The following PRKN variants were observed in gnomAD, a reference collection of about 807,000 sequenced individuals.
PRKN encodes E3 ubiquitin-protein ligase parkin.
Under a neutral mutation model 59.5 loss-of-function variants are expected in PRKN, and 56 were observed. That is an observed-to-expected ratio of 0.94 (90% CI 0.76 to 1.18). PRKN has a LOEUF of 1.18. Among genes scored for constraint, PRKN ranks in the 50% most tolerant of loss-of-function variants. The pLI is 0.00. For synonymous variants in PRKN, 250 were observed against 222.1 expected (o/e 1.13, Z -1.12); for missense variants, 657 against 596.4 (o/e 1.10, Z -1.06).
chr6:162,408,775 T>C (rs1788201811), intron 2 of PRKN, among the ~76,000 whole-genome samples: 1 of 152,194 alleles, frequency 6.6e-6, no homozygotes, highest in Admixed American at 6.5e-5. Flanking sequence ...CTGAAGCTCA[T>C]GTCTCATCTT....
chr6:162,643,446 T>C (rs1323450812), intron 1 of PRKN, among the ~76,000 whole-genome samples: 1 of 150,508 alleles, frequency 6.6e-6, no homozygotes, highest in African/African-American at 2.4e-5. Flanking sequence ...TATTTTTCAC[T>C]ATGTGTAATT....
rs944711080 is a variant in PRKN at position 161,551,051 on chromosome 6, G to A, written c.934-2048C>T. ...TACCAGAAAAGAGGTCTAAGAGTTC[G>A]GATGGCAAACAAACTAGAATCTCTG... On this transcript the variant is annotated intron_variant, in intron 8 of 11. Transcript: ENST00000366898. The surrounding 1 kb of genome is among the most constrained non-coding windows in gnomAD (Gnocchi z 5.2). Among the ~76,000 whole-genome samples, 4 of 152,104 alleles carry A rather than the reference G, an allele frequency of 2.6e-5. No homozygotes were observed. The highest frequency in any genetic ancestry group is 4.4e-5 in the Non-Finnish European group (3 of 68,026).
At chr6:161,689,249 C>A (rs1338563248) in intron 7 of PRKN, among the ~76,000 whole-genome samples, 1 of 151,036 alleles carries the variant, frequency 6.6e-6, no homozygotes, top group African/African-American at 2.4e-5. Flanking sequence ...GAACCCAGAT[C>A]CCGGTTCCCT....
At chr6:161,908,958 A>G (rs1778252783) in intron 6 of PRKN, among the ~76,000 whole-genome samples, 1 of 152,214 alleles carries the variant, frequency 6.6e-6, no homozygotes, top group South Asian at 2.1e-4. Flanking sequence ...GAGAAATAAT[A>G]CAAAATGATT....
At chr6:161,626,063 G>A (rs575268154) in intron 7 of PRKN, among the ~76,000 whole-genome samples, 16 of 152,310 alleles carry the variant, frequency 1.1e-4, no homozygotes, top group African/African-American at 2.4e-4. Flanking sequence ...AAACTGGGCC[G>A]TAGACAGGCT....
chr6:161,782,286 T>C (rs1790238206), intron 7 of PRKN, among the ~76,000 whole-genome samples: 1 of 152,136 alleles, frequency 6.6e-6, no homozygotes, highest in Admixed American at 6.5e-5. Context: ...TAATAGGTAC[T>C]ATAGAGTGAA....
intron 1 of PRKN, among the ~76,000 whole-genome samples, chr6:162,723,935 T>C (rs1326330666): frequency 6.6e-6 from 1 of 152,210 alleles, no homozygotes; most frequent in Non-Finnish European, 1.5e-5. Flanking sequence ...GAAGAGACTA[T>C]GTTCCAATGA....
intron 1 of PRKN, among the ~76,000 whole-genome samples, chr6:162,469,028 C>G (rs1791577042): frequency 6.6e-6 from 1 of 151,988 alleles, no homozygotes; most frequent in African/African-American, 2.4e-5. Context: ...TACATATTTA[C>G]AAAATGGGGG....
chr6:161,886,756 A>AAAAT lies in PRKN; in HGVS notation c.734+86545_734+86546insATTT, dbSNP rs1554241164. Reference sequence around the variant, plus strand: ...AATAAAATAAAATAATAAAATAAAAAAAAATAAAATAAAATGAATATTTAA... The same window carrying AAAAT: ...AATAAAATAAAATAATAAAATAAAAAAAATAAAATAAAATAAAATGAATATTTAA... On this transcript the variant is annotated intron_variant, in intron 6 of 11. Transcript: ENST00000366898. Among the ~76,000 whole-genome samples the AAAAT allele has an allele frequency of 4.5e-4, 66 of 146,432 alleles. 1 individual carries two copies. In the South Asian group the frequency reaches 0.013, roughly 29 times the overall value.
intron 7 of PRKN, among the ~76,000 whole-genome samples, chr6:161,636,597 G>T (rs1256580303): frequency 6.6e-6 from 1 of 152,112 alleles, no homozygotes; most frequent in African/African-American, 2.4e-5. Flanking sequence ...CTCCTGTTTC[G>T]GAATGCCCAT....
intron 1 of PRKN, among the ~76,000 whole-genome samples, chr6:162,618,949 G>C (rs1336776176): frequency 6.6e-6 from 1 of 152,116 alleles, no homozygotes; most frequent in African/African-American, 2.4e-5. Context: ...AAAAAGTACA[G>C]GATTCTCTGC....
chr6:162,334,861 C>T (rs1216758120), intron 2 of PRKN, among the ~76,000 whole-genome samples: 1 of 152,094 alleles, frequency 6.6e-6, no homozygotes, highest in Non-Finnish European at 1.5e-5. Flanking sequence ...GATTTGGATT[C>T]CATCTTTCAA....
At chr6:161,441,898 C>G (rs1296939845) in intron 9 of PRKN, among the ~76,000 whole-genome samples, 1 of 152,020 alleles carries the variant, frequency 6.6e-6, no homozygotes, top group Non-Finnish European at 1.5e-5. Context: ...CGTCTGGCGG[C>G]TGGCAAAGGG....
chr6:162,376,346 G>GT (rs1277191581), intron 2 of PRKN, among the ~76,000 whole-genome samples: 1 of 152,092 alleles, frequency 6.6e-6, no homozygotes, highest in Non-Finnish European at 1.5e-5. Context: ...GTGGCAAATT[G>GT]TATTATATTA....
chr6:162,555,968 C>T lies in PRKN; in HGVS notation c.8-112495G>A, dbSNP rs145383100. Among the ~76,000 whole-genome samples, 1,097 of 114,408 alleles carry T rather than the reference C, an allele frequency of 9.6e-3. 15 individuals carry two copies. Among genetic ancestry groups the T allele is most frequent in the African/African-American group, 0.033 (1,034 of 31,038 alleles). 75.1% of individuals were successfully genotyped at this position (114,408 alleles called of 152,430 possible). The stretch of plus-strand genomic sequence containing the variant: ...ATGGCTCCAGCCTGGGCAACAAGAG[C>T]GAAACTCCATCTCAAAAAAAAAAAA... On this transcript the variant is annotated intron_variant, in intron 1 of 11. Coordinates refer to ENST00000366898, the MANE Select transcript of PRKN (RefSeq NM_004562.3).
chr6:162,657,561 G>A (rs1331361301), intron 1 of PRKN, among the ~76,000 whole-genome samples: 1 of 152,046 alleles, frequency 6.6e-6, no homozygotes, highest in Non-Finnish European at 1.5e-5. Context: ...AATACATAAT[G>A]TTTCATCTGC....
chr6:162,643,173 G>A (rs1239033268), intron 1 of PRKN, among the ~76,000 whole-genome samples: 3 of 152,032 alleles, frequency 2.0e-5, no homozygotes, highest in African/African-American at 7.2e-5. Context: ...TGAGGTGGGT[G>A]GATCACCTGA....
At chr6:161,403,598 C>G (rs545818159) in intron 9 of PRKN, among the ~76,000 whole-genome samples, 2 of 152,346 alleles carry the variant, frequency 1.3e-5, no homozygotes, top group South Asian at 4.1e-4. Flanking sequence ...TGCCCCATCT[C>G]TGTGAGAATC....
Position 161,777,861 on chromosome 6 carries a change from T to C in PRKN, c.871+7911A>G, listed in dbSNP as rs983796012. Reference sequence around the variant, plus strand: ...ACGTATATATGTATATATGTGTATATATGTATATGTATACGTATATATGTA... The same window carrying C: ...ACGTATATATGTATATATGTGTATACATGTATATGTATACGTATATATGTA... On this transcript the variant is annotated intron_variant, in intron 7 of 11. Coordinates refer to ENST00000366898, the MANE Select transcript of PRKN (RefSeq NM_004562.3). 2.1e-5 allele frequency among the ~76,000 whole-genome samples: 3 copies of C among 143,956 alleles called. No individual in the cohort carries two copies. The East Asian group carries it at 6.0e-4, about 29-fold the overall frequency. 94.4% of individuals were successfully genotyped at this position (143,956 alleles called of 152,430 possible). A position where few individuals can be genotyped will look rare whatever the true frequency, so the allele number is the denominator to read the frequency against.
Sources: gnomAD v4.1 joint callset for allele counts (sites outside exome capture counted in the v4.1 genomes callset) on GRCh38, gnomAD v4.1.1 for gene constraint, Gnocchi (gnomAD v3.1) non-coding constraint, MANE v1.5 for transcripts, NCBI Gene and HGNC (gene_info 2026-07-23, HGNC 2026-07-21) for gene names.